ADAMTS6: variants seen among roughly 807,000 people sequenced by gnomAD.
ADAMTS6 encodes A disintegrin and metalloproteinase with thrombospondin motifs 6.
A neutral mutation model predicts 144.3 loss-of-function variants in ADAMTS6; 23 were observed. The ratio of observed to expected loss-of-function variants is 0.16; its 90% CI spans 0.11 to 0.23. The LOEUF (loss-of-function observed/expected upper bound fraction) is 0.23, where lower values mean the gene tolerates loss of function less well. Ranked by LOEUF, ADAMTS6 falls within the 10% of genes least tolerant of loss-of-function variation. The pLI, the probability that ADAMTS6 is intolerant of heterozygous loss-of-function variation, is 1.00. For missense variants in ADAMTS6, 999 were observed against 1,379.6 expected (o/e 0.72, Z 4.37); for synonymous variants, 444 against 457.5 (o/e 0.97, Z 0.38).
At chr5:65,180,348 C>T (rs1412083664) in intron 22 of ADAMTS6, among the ~76,000 whole-genome samples, 6 of 152,098 alleles carry the variant, frequency 3.9e-5, no homozygotes, top group Admixed American at 2.0e-4. Flanking sequence ...CAGTGTAGCT[C>T]GAGAAGAGGC....
chr5:65,334,351 T>C, intron 7 of ADAMTS6, among the ~76,000 whole-genome samples: 1 of 152,204 alleles, frequency 6.6e-6, no homozygotes, highest in South Asian at 2.1e-4. Flanking sequence ...GCAAGTTCCA[T>C]AAAACGATCT....
intron 14 of ADAMTS6, among the ~76,000 whole-genome samples, chr5:65,248,863 C>T (rs1759885596): frequency 6.6e-6 from 1 of 152,048 alleles, no homozygotes; most frequent in Non-Finnish European, 1.5e-5. Context: ...CAAACAAGCT[C>T]TATTTTGTGC....
At chr5:65,374,893 C>T (rs184724344) in intron 7 of ADAMTS6, among the ~76,000 whole-genome samples, 17,752 of 152,086 alleles carry the variant, frequency 0.12, 1,129 homozygotes, top group African/African-American at 0.17. Context: ...CACAGCATGG[C>T]ACTGGTACCA....
chr5:65,344,652 T>C (rs931238633), intron 7 of ADAMTS6, among the ~76,000 whole-genome samples: 4 of 151,914 alleles, frequency 2.6e-5, no homozygotes, highest in Admixed American at 2.0e-4. Context: ...TTTTCCATTA[T>C]AAATTCCAAG....
At chr5:65,284,327 G>C (rs890260950) in intron 11 of ADAMTS6, among the ~76,000 whole-genome samples, 1 of 151,892 alleles carries the variant, frequency 6.6e-6, no homozygotes, top group Non-Finnish European at 1.5e-5. Context: ...ATTCAGGTAG[G>C]CACAGCTTGA....
intron 15 of ADAMTS6, among the ~76,000 whole-genome samples, chr5:65,240,757 A>G (rs1007296186): frequency 7.2e-5 from 11 of 152,156 alleles, no homozygotes; most frequent in Admixed American, 3.3e-4. Flanking sequence ...ATAAATTTCT[A>G]TTTTAAGATC....
chr5:65,274,430 G>A (rs1762296051), intron 11 of ADAMTS6, among the ~76,000 whole-genome samples: 1 of 151,952 alleles, frequency 6.6e-6, no homozygotes, highest in South Asian at 2.1e-4. Context: ...AAATGCAAAA[G>A]TAAACTAACA....
rs1437542282 is a variant in ADAMTS6 at position 65,226,132 on chromosome 5, T to A, written c.2021A>T (p.Gln674Leu). 1 of 1,613,678 alleles carries A rather than the reference T, an allele frequency of 6.2e-7. No homozygotes were observed. Among genetic ancestry groups the A allele is most frequent in the East Asian group, 2.2e-5 (1 of 44,882 alleles). The part of the protein sequence containing the change: ...ERAPAVIDGT[Q>L]CNADSLDICI... ...GATATCCAGTGAATCCGCATTGCAC[T>A]GGGTCCCATCGATCACCGCAGGAGC... Residue 674 changes from glutamine (Q) to leucine (L), a missense_variant, in exon 16 of 25, where the codon CAG (glutamine) becomes CTG (leucine). By Grantham distance (113) the Gln-to-Leu change is moderately radical. This residue lies in a region of ADAMTS6 where 619 missense variants were observed against 837.0 expected (regional missense o/e 0.74). Coordinates refer to ENST00000381055, the MANE Select transcript of ADAMTS6 (RefSeq NM_197941.4).
intron 9 of ADAMTS6, among the ~76,000 whole-genome samples, chr5:65,312,690 T>C (rs114228505): frequency 0.017 from 2,541 of 152,120 alleles, 61 homozygotes; most frequent in African/African-American, 0.058. Flanking sequence ...GTATAAGCAC[T>C]TCTGAGTTGA....
intron 7 of ADAMTS6, among the ~76,000 whole-genome samples, chr5:65,351,616 C>A (rs1466551928): frequency 6.6e-6 from 1 of 151,892 alleles, no homozygotes; most frequent in East Asian, 1.9e-4. Context: ...AGATAAAATA[C>A]CAAGAAAATT....
At chr5:65,225,230 A>G (rs1757641307) in intron 16 of ADAMTS6, among the ~76,000 whole-genome samples, 183 bp from the exon 17 acceptor site, 1 of 152,232 alleles carries the variant, frequency 6.6e-6, no homozygotes, top group South Asian at 2.1e-4. Context: ...CTACTACAAA[A>G]ATAACTTTTT....
chr5:65,213,731 T>C (rs2112324705), intron 20 of ADAMTS6, among the ~76,000 whole-genome samples: 1 of 152,284 alleles, frequency 6.6e-6, no homozygotes, highest in East Asian at 1.9e-4. Context: ...GATTTAAGAC[T>C]TGAAAATCAG....
At chr5:65,464,325 A>G (rs1002734199) in intron 3 of ADAMTS6, among the ~76,000 whole-genome samples, 2 of 152,260 alleles carry the variant, frequency 1.3e-5, no homozygotes, top group Non-Finnish European at 2.9e-5. Context: ...TATAATACAT[A>G]TAACTTGTGT....
intron 7 of ADAMTS6, among the ~76,000 whole-genome samples, chr5:65,398,427 A>T (rs1753535925): frequency 6.6e-6 from 1 of 152,188 alleles, no homozygotes; most frequent in African/African-American, 2.4e-5. Context: ...CTGCTCTATC[A>T]GAAATTAATA....
intron 23 of ADAMTS6, 98 bp downstream of exon 23, chr5:65,172,734 T>C: frequency 5.1e-6 from 7 of 1,381,694 alleles, no homozygotes; most frequent in Non-Finnish European, 6.9e-6. Context: ...TGTTAATTCT[T>C]ACTCATCTCT....
chr5:65,399,659 C>G (rs747605401), intron 7 of ADAMTS6, among the ~76,000 whole-genome samples: 1 of 152,062 alleles, frequency 6.6e-6, no homozygotes, highest in African/African-American at 2.4e-5. Flanking sequence ...CTAATTCCTT[C>G]CTCCTTTCCC....
intron 7 of ADAMTS6, among the ~76,000 whole-genome samples, chr5:65,451,099 A>T (rs1758705414): frequency 6.6e-6 from 1 of 152,208 alleles, no homozygotes; most frequent in African/African-American, 2.4e-5. Context: ...AATATATTTT[A>T]TAACTGATAA....
chr5:65,329,259 A>G (rs1484172149), intron 9 of ADAMTS6, 119 bp downstream of exon 9: 2 of 800,146 alleles, frequency 2.5e-6, no homozygotes, highest in South Asian at 3.5e-5. Flanking sequence ...AACATCATCT[A>G]TTGGAATCAG....
At chr5:65,259,221 A>AT (rs1491554496) in intron 14 of ADAMTS6, among the ~76,000 whole-genome samples, 2,949 of 140,396 alleles carry the variant, frequency 0.021, 87 homozygotes, top group African/African-American at 0.072. Flanking sequence ...ATATATATAT[A>AT]AAATTAGCCA....
Sources: allele counts gnomAD v4.1 joint callset (sites outside exome capture counted in the v4.1 genomes callset), GRCh38; gene constraint gnomAD v4.1.1; regional missense constraint gnomAD v4.1.1; transcripts MANE v1.5; gene names NCBI Gene and HGNC (gene_info 2026-07-23, HGNC 2026-07-21).